MTUS1: variants seen among roughly 807,000 people sequenced by gnomAD.
The protein encoded by MTUS1 is microtubule associated scaffold protein 1.
MTUS1 carries 109 observed loss-of-function variants against 120.8 expected under a neutral mutation model. The observed-to-expected ratio is 0.90, with a 90% confidence interval of 0.77 to 1.06. The LOEUF (loss-of-function observed/expected upper bound fraction) is 1.06, where lower values mean the gene tolerates loss of function less well. MTUS1 is among the 50% of genes least tolerant of loss of function. The pLI, the probability that MTUS1 is intolerant of heterozygous loss-of-function variation, is 0.00. For synonymous variants in MTUS1, 737 were observed against 550.5 expected (o/e 1.34, Z -4.74); for missense variants, 2,210 against 1,486.3 (o/e 1.49, Z -8.01).
chr8:17,679,312 G>A (rs1323934065), intron 7 of MTUS1, among the ~76,000 whole-genome samples: 2 of 109,338 alleles, frequency 1.8e-5, no homozygotes, highest in African/African-American at 2.9e-5. Flanking sequence ...TGTATACAAT[G>A]TGTATCTGTA....
At chr8:17,714,162 C>T (rs1046089853) in intron 5 of MTUS1, among the ~76,000 whole-genome samples, 6 of 152,084 alleles carry the variant, frequency 3.9e-5, no homozygotes, top group South Asian at 2.1e-4. Context: ...TTGGTGCCTC[C>T]GAAATTTGAT....
intron 6 of MTUS1, among the ~76,000 whole-genome samples, chr8:17,698,591 G>C (rs868217989): frequency 6.6e-6 from 1 of 152,144 alleles, no homozygotes. Context: ...ATGCAGAATT[G>C]TTACCATAAA....
chr8:17,780,634 T>A (rs998208149), intron 1 of MTUS1, among the ~76,000 whole-genome samples: 2 of 152,170 alleles, frequency 1.3e-5, no homozygotes, highest in African/African-American at 2.4e-5. Flanking sequence ...AAAGCAAGCA[T>A]TCCTCACCTT....
At chr8:17,682,779 T>G (rs934927448) in intron 7 of MTUS1, among the ~76,000 whole-genome samples, 3 of 152,188 alleles carry the variant, frequency 2.0e-5, no homozygotes, top group Non-Finnish European at 4.4e-5. Context: ...TCCCCACATT[T>G]GATAGTATAC....
chr8:17,721,599 A>G, intron 4 of MTUS1: 2 of 1,291,536 alleles, frequency 1.5e-6, no homozygotes, highest in Non-Finnish European at 1.0e-6. Context: ...AAATACTACC[A>G]TTACCATAAA....
At chr8:17,676,488 C>T (rs1034991863) in intron 7 of MTUS1, 5 of 604,510 alleles carry the variant, frequency 8.3e-6, no homozygotes, top group South Asian at 3.9e-5. Context: ...TGCAGGTTAC[C>T]GTGTGCCTCG....
intron 6 of MTUS1, among the ~76,000 whole-genome samples, chr8:17,687,907 C>G (rs927077316): frequency 6.6e-6 from 1 of 152,216 alleles, no homozygotes; most frequent in Non-Finnish European, 1.5e-5. Flanking sequence ...GCCCATTTCT[C>G]AGGCTCAAAT....
At chr8:17,784,744 C>T (rs1401383461) in intron 1 of MTUS1, among the ~76,000 whole-genome samples, 1 of 151,918 alleles carries the variant, frequency 6.6e-6, no homozygotes, top group Non-Finnish European at 1.5e-5. Context: ...ACTCTGTCAG[C>T]TTCCTTATCC....
At chr8:17,735,692 A>G (rs1031147251) in intron 3 of MTUS1, among the ~76,000 whole-genome samples, 1 of 152,262 alleles carries the variant, frequency 6.6e-6, no homozygotes. Flanking sequence ...ACAACAAGTT[A>G]GTGTTGCTCC....
intron 8 of MTUS1, among the ~76,000 whole-genome samples, chr8:17,659,345 C>T (rs1008005757): frequency 2.6e-5 from 4 of 152,108 alleles, no homozygotes; most frequent in Non-Finnish European, 5.9e-5. Flanking sequence ...TACGTCCAGT[C>T]AGGGTGGACC....
chr8:17,704,425 A>G (rs1247558293), intron 6 of MTUS1, among the ~76,000 whole-genome samples: 1 of 152,096 alleles, frequency 6.6e-6, no homozygotes, highest in African/African-American at 2.4e-5. Flanking sequence ...TAAGTCTTTA[A>G]TCCATCTCGA....
chr8:17,764,973 A>G (rs2049351681), intron 1 of MTUS1, among the ~76,000 whole-genome samples: 1 of 152,220 alleles, frequency 6.6e-6, no homozygotes, highest in African/African-American at 2.4e-5. Flanking sequence ...AAATAATTAT[A>G]TAACTCATCA....
chr8:17,684,802 C>A (rs1815415668), intron 6 of MTUS1, among the ~76,000 whole-genome samples: 1 of 152,132 alleles, frequency 6.6e-6, no homozygotes, highest in African/African-American at 2.4e-5. Flanking sequence ...ATGGATTTGG[C>A]AACCCAGAAA....
intron 7 of MTUS1, among the ~76,000 whole-genome samples, chr8:17,684,046 C>G (rs1465594816): frequency 6.6e-6 from 1 of 152,152 alleles, no homozygotes; most frequent in Non-Finnish European, 1.5e-5. Flanking sequence ...TAGTTTAGGT[C>G]TAGAGGCATA....
chr8:17,774,038 T>C (rs2050213608), intron 1 of MTUS1, among the ~76,000 whole-genome samples: 1 of 152,196 alleles, frequency 6.6e-6, no homozygotes, highest in Non-Finnish European at 1.5e-5. Flanking sequence ...CCTCATTATA[T>C]GACCTTAACA....
At chr8:17,765,388 G>A (rs559906451) in intron 1 of MTUS1, among the ~76,000 whole-genome samples, 1 of 152,188 alleles carries the variant, frequency 6.6e-6, no homozygotes, top group South Asian at 2.1e-4. Context: ...CAGCACTTTG[G>A]GAGGCCGAGG....
At chr8:17,717,439 A>T (rs936124041) in intron 4 of MTUS1, among the ~76,000 whole-genome samples, 9 of 152,246 alleles carry the variant, frequency 5.9e-5, no homozygotes, top group African/African-American at 1.9e-4. Flanking sequence ...GCTGAATCAA[A>T]TCCAACAAAG....
At chr8:17,757,273 T>C (rs1238476581) in intron 1 of MTUS1, among the ~76,000 whole-genome samples, 1 of 152,190 alleles carries the variant, frequency 6.6e-6, no homozygotes, top group African/African-American at 2.4e-5. Flanking sequence ...ACACTTGAAA[T>C]ATTATATCAA....
chr8:17,694,287 T>C (rs547105190), intron 6 of MTUS1, among the ~76,000 whole-genome samples: 3 of 152,250 alleles, frequency 2.0e-5, no homozygotes, highest in African/African-American at 7.2e-5. Flanking sequence ...TGGCAGGTGG[T>C]AAAAACAAAT....
Sources: gnomAD v4.1 joint callset for allele counts (sites outside exome capture counted in the v4.1 genomes callset) on GRCh38, gnomAD v4.1.1 for gene constraint, MANE v1.5 for transcripts, NCBI Gene and HGNC (gene_info 2026-07-23, HGNC 2026-07-21) for gene names.